FHIT: variants seen among roughly 807,000 people sequenced by gnomAD.
The protein encoded by FHIT is fragile histidine triad diadenosine triphosphatase.
FHIT carries 19 observed loss-of-function variants against 17.9 expected under a neutral mutation model. That is an observed-to-expected ratio of 1.06 (90% CI 0.74 to 1.56). The LOEUF is 1.56. Ranked by LOEUF, FHIT falls within the 40% of genes most tolerant of loss-of-function variation. The pLI is 0.00. For synonymous variants in FHIT, 81 were observed against 69.7 expected (o/e 1.16, Z -0.81); for missense variants, 248 against 189.2 (o/e 1.31, Z -1.82).
intron 5 of FHIT, among the ~76,000 whole-genome samples, chr3:60,419,423 T>A (rs770902999): frequency 6.6e-6 from 1 of 152,216 alleles, no homozygotes; most frequent in Non-Finnish European, 1.5e-5. Context: ...GTTGGCACTT[T>A]CTGTGTCTCT....
At chr3:60,220,424 CAA>C (rs1198365165) in intron 5 of FHIT, among the ~76,000 whole-genome samples, 5 of 151,638 alleles carry the variant, frequency 3.3e-5, no homozygotes, top group South Asian at 4.2e-4. Flanking sequence ...AAATAATGCC[CAA>C]GAGATATTAA....
chr3:60,146,028 T>C (rs1700223500), intron 5 of FHIT, among the ~76,000 whole-genome samples: 2 of 151,136 alleles, frequency 1.3e-5, no homozygotes, highest in South Asian at 4.2e-4. Flanking sequence ...TTCCTCATAT[T>C]TTCTAATCTA....
chr3:60,505,674 T>C (rs6783772), intron 5 of FHIT, among the ~76,000 whole-genome samples: 31,480 of 152,108 alleles, frequency 0.21, 4,184 homozygotes, highest in African/African-American at 0.36. Context: ...ATTTGGGCTC[T>C]GTTTTTGATT....
intron 5 of FHIT, among the ~76,000 whole-genome samples, chr3:60,358,678 G>GTT (rs1559850016): frequency 6.6e-6 from 1 of 152,130 alleles, no homozygotes; most frequent in African/African-American, 2.4e-5. Context: ...CAACATGGTA[G>GTT]GTCTATACTT....
At chr3:60,933,642 C>A (rs1275874933) in intron 3 of FHIT, among the ~76,000 whole-genome samples, 7 of 152,258 alleles carry the variant, frequency 4.6e-5, no homozygotes, top group African/African-American at 1.7e-4. Flanking sequence ...TTACCATTTA[C>A]TACTGATGCA....
At chr3:60,146,481 G>C (rs997447556) in intron 5 of FHIT, among the ~76,000 whole-genome samples, 50 of 152,060 alleles carry the variant, frequency 3.3e-4, no homozygotes, top group Non-Finnish European at 3.1e-4. Context: ...TTCTCAAACA[G>C]ATTTACTCAA....
chr3:60,086,086 G>A (rs187486357), intron 5 of FHIT, among the ~76,000 whole-genome samples: 14 of 152,322 alleles, frequency 9.2e-5, no homozygotes, highest in African/African-American at 3.4e-4. Context: ...TCTCATGGCA[G>A]AAGGCAAATG....
chr3:60,513,988 T>G (rs574220636), intron 5 of FHIT, among the ~76,000 whole-genome samples: 1 of 152,084 alleles, frequency 6.6e-6, no homozygotes, highest in African/African-American at 2.4e-5. Context: ...GGAGACTAGG[T>G]TGGGGAGAAG....
Position 59,912,809 on chromosome 3 carries a change from A to G in FHIT, c.348+9537T>C, listed in dbSNP as rs144143019. Among the ~76,000 whole-genome samples the G allele has an allele frequency of 5.3e-5, 8 of 152,318 alleles. No homozygotes were observed. In the East Asian group the frequency reaches 7.7e-4, roughly 15 times the overall value. On this transcript the variant is annotated intron_variant, in intron 8 of 9. Transcript: ENST00000492590. Reference sequence around the variant, plus strand: ...GGTACTGGTGCAACTGGCCTACAAGATATTTATGGTCCATTAAGAGTTGTA... The same window carrying G: ...GGTACTGGTGCAACTGGCCTACAAGGTATTTATGGTCCATTAAGAGTTGTA...
chr3:61,242,141 T>A (rs1404495593), intron 1 of FHIT, among the ~76,000 whole-genome samples: 1 of 152,178 alleles, frequency 6.6e-6, no homozygotes, highest in African/African-American at 2.4e-5. Context: ...AATATAACTG[T>A]ATGCATTTTC....
chr3:60,526,886 GTAATTATT>G (rs2035596118), intron 5 of FHIT, among the ~76,000 whole-genome samples: 1 of 151,698 alleles, frequency 6.6e-6, no homozygotes, highest in African/African-American at 2.4e-5. Flanking sequence ...GGCAGTGGGA[GTAATTATT>G]CCAGAAGAGG....
intron 5 of FHIT, among the ~76,000 whole-genome samples, chr3:60,060,175 T>A (rs953582607): frequency 2.0e-5 from 3 of 150,038 alleles, no homozygotes; most frequent in Admixed American, 6.6e-5. Flanking sequence ...ATGGAAGGTA[T>A]AATTGGTGTT....
Position 60,051,338 on chromosome 3 carries a change from T to C in FHIT, c.104-37186A>G, listed in dbSNP as rs77707222. Among the ~76,000 whole-genome samples the C allele has an allele frequency of 9.7e-3, 1,464 of 151,314 alleles. 22 individuals carry two copies. Among genetic ancestry groups the C allele is most frequent in the African/African-American group, 0.033 (1,368 of 41,248 alleles). On this transcript the variant is annotated intron_variant, in intron 5 of 9. Coordinates refer to ENST00000492590, the MANE Select transcript of FHIT (RefSeq NM_002012.4). ...CTAATTTAGGATGCTTTTTTTTTTTTTTTTTGTAACAGCAGCTGAGCTTCA... is the reference window on the plus strand; with the variant it reads ...CTAATTTAGGATGCTTTTTTTTTTTCTTTTTGTAACAGCAGCTGAGCTTCA...
At chr3:60,563,041 A>C (rs2037008392) in intron 4 of FHIT, among the ~76,000 whole-genome samples, 1 of 152,282 alleles carries the variant, frequency 6.6e-6, no homozygotes, top group South Asian at 2.1e-4. Flanking sequence ...AGCCTTTGGA[A>C]GTTTTTAGGC....
intron 8 of FHIT, among the ~76,000 whole-genome samples, chr3:59,777,084 T>C (rs780369): frequency 0.78 from 119,157 of 152,060 alleles, 47,331 homozygotes; most frequent in East Asian, 0.99. Flanking sequence ...GTCTAGGCCC[T>C]GTGCACTTGT....
At chr3:60,227,987 G>C (rs901332188) in intron 5 of FHIT, among the ~76,000 whole-genome samples, 5 of 152,122 alleles carry the variant, frequency 3.3e-5, no homozygotes, top group Admixed American at 2.0e-4. Flanking sequence ...GCAAGAGGGA[G>C]ACCTATTAGG....
intron 5 of FHIT, among the ~76,000 whole-genome samples, chr3:60,280,735 T>G (rs1206651916): frequency 6.6e-6 from 1 of 152,148 alleles, no homozygotes; most frequent in Non-Finnish European, 1.5e-5. Flanking sequence ...AAGCTACCAG[T>G]CTGTAATAAT....
chr3:60,382,201 G>A (rs1042870163), intron 5 of FHIT, among the ~76,000 whole-genome samples: 2 of 152,336 alleles, frequency 1.3e-5, no homozygotes, highest in Admixed American at 6.5e-5. Flanking sequence ...TAGAAAAAAA[G>A]TACAGTGTTT....
intron 3 of FHIT, among the ~76,000 whole-genome samples, chr3:60,941,154 A>C (rs897075105): frequency 3.9e-5 from 6 of 152,220 alleles, no homozygotes; most frequent in African/African-American, 1.2e-4. Context: ...TTCCACTTAC[A>C]GCATGTCCCC....
Sources: allele counts gnomAD v4.1 joint callset (sites outside exome capture counted in the v4.1 genomes callset), GRCh38; gene constraint gnomAD v4.1.1; transcripts MANE v1.5; gene names NCBI Gene and HGNC (gene_info 2026-07-23, HGNC 2026-07-21).